Variants in DRC11 observed in about 807,000 individuals in gnomAD.
DRC11 encodes the protein dynein regulatory complex subunit 11.
the DRC11 span, chr2:236,497,438 G>T: frequency 6.2e-7 from 1 of 1,613,624 alleles, no homozygotes; most frequent in Admixed American, 1.7e-5. The surrounding 1 kb of genome is among the most constrained non-coding windows in gnomAD (Gnocchi z 5.1). Context: ...TCTTTATCGA[G>T]TAAAGCACCG....
chr2:236,403,477 G>GCC, the DRC11 span, among the ~76,000 whole-genome samples: 5 of 151,812 alleles, frequency 3.3e-5, no homozygotes, highest in Non-Finnish European at 5.9e-5. Context: ...GAAGGGAATG[G>GCC]CCCCTTGGGA....
At chr2:236,418,964 A>T in the DRC11 span, among the ~76,000 whole-genome samples, 1 of 152,194 alleles carries the variant, frequency 6.6e-6, no homozygotes, top group Non-Finnish European at 1.5e-5. Flanking sequence ...AGTTATAGAA[A>T]ATGTGGCAAT....
At chr2:236,491,285 A>ATATATATATATATATATATATAT in the DRC11 span, among the ~76,000 whole-genome samples, 1 of 135,052 alleles carries the variant, frequency 7.4e-6, no homozygotes, top group Non-Finnish European at 1.6e-5. Flanking sequence ...CACAGTATAT[A>ATATATATATATATATATATATAT]AGCAGCTTAA....
the DRC11 span, chr2:236,465,476 G>T: frequency 6.3e-6 from 10 of 1,579,954 alleles, no homozygotes; most frequent in Non-Finnish European, 8.7e-6. The surrounding 1 kb of genome is among the most constrained non-coding windows in gnomAD (Gnocchi z 6.2). Context: ...AGAACAGACT[G>T]GATATGTCAC....
the DRC11 span, among the ~76,000 whole-genome samples, chr2:236,423,908 G>A: frequency 6.6e-6 from 1 of 152,076 alleles, no homozygotes; most frequent in Admixed American, 6.5e-5. Flanking sequence ...GAAGGGACAT[G>A]GATGAAGCTG....
At chr2:236,383,935 A>G in the DRC11 span, among the ~76,000 whole-genome samples, 1 of 150,382 alleles carries the variant, frequency 6.6e-6, no homozygotes, top group African/African-American at 2.5e-5. Flanking sequence ...TGTTCTTGCG[A>G]TAGTTTACTG....
the DRC11 span, among the ~76,000 whole-genome samples, chr2:236,361,998 G>GT: frequency 6.6e-6 from 1 of 152,164 alleles, no homozygotes; most frequent in Non-Finnish European, 1.5e-5. The surrounding 1 kb of genome is among the most constrained non-coding windows in gnomAD (Gnocchi z 5.7). Flanking sequence ...AAGACATGGA[G>GT]TATTTCCAGG....
chr2:236,395,317 G>A, the DRC11 span, among the ~76,000 whole-genome samples: 3 of 152,222 alleles, frequency 2.0e-5, no homozygotes, highest in South Asian at 2.1e-4. Flanking sequence ...TGGGAAGCCT[G>A]GGCTGAACAA....
At chr2:236,501,477 G>A in the DRC11 span, among the ~76,000 whole-genome samples, 2 of 152,174 alleles carry the variant, frequency 1.3e-5, no homozygotes, top group South Asian at 4.1e-4. Context: ...CAAAGTTCCT[G>A]GGACCCTCTG....
the DRC11 span, among the ~76,000 whole-genome samples, chr2:236,370,478 G>A: frequency 6.6e-6 from 1 of 152,114 alleles, no homozygotes; most frequent in East Asian, 1.9e-4. This position sits in a 1 kb window ranked among gnomAD's most constrained non-coding sequence, Gnocchi z 5.5. Context: ...AGTGGTCCCT[G>A]AGCAGCGGGC....
chr2:236,350,735 ACCGCTACCTGAT>A, the DRC11 span, among the ~76,000 whole-genome samples: 2 of 152,204 alleles, frequency 1.3e-5, no homozygotes, highest in Non-Finnish European at 2.9e-5. This position sits in a 1 kb window ranked among gnomAD's most constrained non-coding sequence, Gnocchi z 5.2. Context: ...CTTGACCTGT[ACCGCTACCTGAT>A]CCGCTACCAT....
At chr2:236,500,403 C>T in the DRC11 span, among the ~76,000 whole-genome samples, 24 of 152,168 alleles carry the variant, frequency 1.6e-4, no homozygotes, top group Non-Finnish European at 2.5e-4. This position sits in a 1 kb window ranked among gnomAD's most constrained non-coding sequence, Gnocchi z 6.3. Context: ...GGAGGGGTCC[C>T]GTGACACAGA....
the DRC11 span, among the ~76,000 whole-genome samples, chr2:236,414,281 C>T: frequency 6.6e-6 from 1 of 152,076 alleles, no homozygotes; most frequent in Non-Finnish European, 1.5e-5. Flanking sequence ...TTCTGGTGTC[C>T]AGTCTAAGAC....
chr2:236,311,236 A>G, the DRC11 span, among the ~76,000 whole-genome samples: 336 of 152,246 alleles, frequency 2.2e-3, 1 homozygote, highest in African/African-American at 7.6e-3. The surrounding 1 kb of genome is among the most constrained non-coding windows in gnomAD (Gnocchi z 6.9). Flanking sequence ...TATACACTCG[A>G]GCCTGGCCAG....
the DRC11 span, among the ~76,000 whole-genome samples, chr2:236,349,666 T>A: frequency 6.6e-6 from 1 of 152,088 alleles, no homozygotes; most frequent in Admixed American, 6.5e-5. The surrounding 1 kb of genome is among the most constrained non-coding windows in gnomAD (Gnocchi z 5.5). Context: ...AAGTGGCAGC[T>A]AAACAGTGAG....
the DRC11 span, among the ~76,000 whole-genome samples, chr2:236,431,336 T>C: frequency 6.6e-6 from 1 of 152,132 alleles, no homozygotes; most frequent in Non-Finnish European, 1.5e-5. This position sits in a 1 kb window ranked among gnomAD's most constrained non-coding sequence, Gnocchi z 4.2. Context: ...CTTACAATCA[T>C]GGTGGAAGGG....
chr2:236,387,330 T>A, the DRC11 span, among the ~76,000 whole-genome samples: 1 of 152,108 alleles, frequency 6.6e-6, no homozygotes, highest in African/African-American at 2.4e-5. Flanking sequence ...GGACTTGCTT[T>A]ATGAATCTGG....
chr2:236,399,624 C>T, the DRC11 span: 1,117 of 705,714 alleles, frequency 1.6e-3, 21 homozygotes, highest in Admixed American at 0.021. This position sits in a 1 kb window ranked among gnomAD's most constrained non-coding sequence, Gnocchi z 7.0. Context: ...CCCTCTGGCC[C>T]GTCTAAGTAT....
At chr2:236,408,479 C>T in the DRC11 span, 22 of 738,686 alleles carry the variant, frequency 3.0e-5, no homozygotes, top group Admixed American at 3.8e-4. This position sits in a 1 kb window ranked among gnomAD's most constrained non-coding sequence, Gnocchi z 5.5. Flanking sequence ...TCTAGCCTCT[C>T]CCGGCCCCAG....
Sources: gnomAD v4.1 joint callset for allele counts (sites outside exome capture counted in the v4.1 genomes callset) on GRCh38, gnomAD v4.1.1 for gene constraint, Gnocchi (gnomAD v3.1) non-coding constraint, MANE v1.5 for transcripts, NCBI Gene and HGNC (gene_info 2026-07-23, HGNC 2026-07-21) for gene names.